The following PROX1 variants were observed in gnomAD, a reference collection of about 807,000 sequenced individuals.
PROX1 encodes prospero homeobox protein 1.
A neutral mutation model predicts 58.8 loss-of-function variants in PROX1; 7 were observed. The ratio of observed to expected loss-of-function variants is 0.12; its 90% CI spans 0.07 to 0.22. PROX1 has a LOEUF of 0.22. Ranked by LOEUF, PROX1 falls within the 10% of genes least tolerant of loss-of-function variation. The pLI is 1.00. For missense variants in PROX1, 675 were observed against 927.8 expected, an observed-to-expected ratio of 0.73 and a Z score of 3.54; for synonymous variants, 350 against 358.3, an observed-to-expected ratio of 0.98 and a Z score of 0.26.
chr1:213,996,603 T>A lies in PROX1; in HGVS notation c.68T>A (p.Val23Glu), dbSNP rs1663270967. ...QTKRRRVDIGVKRTVGTASAF... is the reference protein window; with the variant it reads ...QTKRRRVDIGEKRTVGTASAF... ...AAGAGGAGAAGAGTTGACATTGGAG[T>A]GAAAAGGACGGTAGGGACAGCATCT... The change falls in exon 2 of 5, where the codon GTG becomes GAG. Residue 23 changes from valine to glutamate, a missense_variant. By Grantham distance (121) the Val-to-Glu change is moderately radical. This residue lies in a region of PROX1 where 157 missense variants were observed against 197.8 expected (regional missense o/e 0.79). Transcript: ENST00000366958. 2 of 1,613,980 alleles carry A rather than the reference T, an allele frequency of 1.2e-6. No individual in the cohort carries two copies. The highest frequency in any genetic ancestry group is 4.5e-5 in the East Asian group (2 of 44,860).
rs573865401 is a variant in PROX1 at position 214,040,981 on chromosome 1, T to C, written c.*5147T>C. The C allele has an allele frequency of 7.1e-4, 108 of 152,174 alleles. No homozygotes were observed. The highest frequency in any genetic ancestry group is 2.3e-3 in the African/African-American group (95 of 41,532). 9.4% of individuals were successfully genotyped at this position (152,174 alleles called of 1,614,324 possible). On this transcript the variant is annotated 3_prime_UTR_variant, in exon 5 of 5. Coordinates refer to ENST00000366958, the MANE Select transcript of PROX1 (RefSeq NM_001270616.2). ...GAAAATAAAAAGGTGCAGTAGACAA[T>C]TGATTTTAAAGGAAAAGTTAAAAAA...
At chr1:213,995,282 C>T (rs1663218464) in intron 1 of PROX1, among the ~76,000 whole-genome samples, 1 of 152,172 alleles carries the variant, frequency 6.6e-6, no homozygotes, top group South Asian at 2.1e-4. Flanking sequence ...ATTAGCATCA[C>T]TAGTTAATAA....
At position 214,016,345 on chromosome 1, in the gene PROX1, C is replaced by T. The variant is rs555206469; in HGVS notation, c.2028+4630C>T. 5.3e-5 allele frequency among the ~76,000 whole-genome samples: 8 copies of T among 152,234 alleles called. No individual in the cohort carries two copies. The East Asian group carries it at 7.7e-4, about 15-fold the overall frequency. The stretch of plus-strand genomic sequence containing the variant: ...TTAATATATTTGGAAGACTTTTATT[C>T]GCATTGTCATCTCTTTAAAGAAAAA... On this transcript the variant is annotated intron_variant, in intron 4 of 4. Coordinates refer to ENST00000366958, the MANE Select transcript of PROX1 (RefSeq NM_001270616.2).
rs765587710 is a variant in PROX1 at position 213,998,033 on chromosome 1, C to G, written c.1498C>G (p.Pro500Ala). The change falls in exon 2 of 5, where the codon CCC becomes GCC. Residue 500 changes from proline to alanine, a missense_variant. Physicochemically the swap from Pro to Ala is conservative, Grantham distance 27. Around this residue, in one of 8 missense-constraint regions of PROX1, gnomAD observed 403 missense variants for 477.4 expected, o/e 0.84. Transcript: ENST00000366958. ...TCCATTTCAGAGCCCATTAGGTGCT[C>G]CCTCCGGCTCCTTCTCTGGAAAAGA... ...AYPFQSPLGAPSGSFSGKDRA... is the reference protein window; with the variant it reads ...AYPFQSPLGAASGSFSGKDRA... 3.7e-6 allele frequency: 6 copies of G among 1,611,630 alleles called. No individual in the cohort carries two copies. The African/African-American group carries it at 8.0e-5, about 21-fold the overall frequency.
At chr1:214,014,702 G>C (rs1472869935) in intron 4 of PROX1, among the ~76,000 whole-genome samples, 1 of 151,350 alleles carries the variant, frequency 6.6e-6, no homozygotes, top group African/African-American at 2.4e-5. Context: ...ATTCTAACTG[G>C]GCAGAGGCAG....
At chr1:214,016,586 TCC>T in intron 4 of PROX1, among the ~76,000 whole-genome samples, 1 of 152,330 alleles carries the variant, frequency 6.6e-6, no homozygotes, top group Non-Finnish European at 1.5e-5. Flanking sequence ...CCCTTGCCAG[TCC>T]CACCGTTGAC....
chr1:214,023,105 T>A (rs111527505), intron 4 of PROX1, among the ~76,000 whole-genome samples: 114 of 152,330 alleles, frequency 7.5e-4, no homozygotes, highest in African/African-American at 2.4e-3. Flanking sequence ...ATTTTTCAAA[T>A]TCATACACAA....
chr1:214,031,204 T>C (rs1664645814), intron 4 of PROX1, among the ~76,000 whole-genome samples: 1 of 152,156 alleles, frequency 6.6e-6, no homozygotes, highest in Non-Finnish European at 1.5e-5. Flanking sequence ...CTCAAGTCTG[T>C]GATGAAATTG....
chr1:214,019,579 C>T (rs974318343), intron 4 of PROX1, among the ~76,000 whole-genome samples: 6 of 152,172 alleles, frequency 3.9e-5, no homozygotes, highest in South Asian at 2.1e-4. Context: ...GCCTGCATCC[C>T]GACCCTCAGG....
At chr1:213,995,746 T>TG (rs752486158) in intron 1 of PROX1, among the ~76,000 whole-genome samples, 3 of 152,212 alleles carry the variant, frequency 2.0e-5, no homozygotes, top group Non-Finnish European at 4.4e-5. Context: ...TACATTAAGA[T>TG]ATATCAACAG....
intron 4 of PROX1, among the ~76,000 whole-genome samples, chr1:214,026,310 TA>T (rs902966161): frequency 3.3e-5 from 5 of 152,186 alleles, no homozygotes; most frequent in African/African-American, 1.2e-4. Context: ...ACTAGCCACT[TA>T]AAGCACGTTC....
chr1:213,985,944 C>T (rs1026248437), upstream of PROX1: 8 of 152,132 alleles, frequency 5.3e-5, no homozygotes, highest in African/African-American at 1.9e-4. Context: ...TATTTGTGGG[C>T]TGGCGCTAAC....
rs532115791 is a variant in PROX1, at chr1:213,998,194, G to T, written c.1659G>T (p.Ser553=). The stretch of plus-strand genomic sequence containing the variant: ...GCACCGCCGAAGGGCTCTCCTTGTC[G>T]CTCATAAAGTCCGAGTGCGGCGATC... ...PPSTAEGLSL[S]LIKSECGDLQ... The change falls in exon 2 of 5, where the codon TCG becomes TCT. Residue 553 remains serine (S), a synonymous_variant. Transcript: ENST00000366958. 3.2e-5 allele frequency: 52 copies of T among 1,611,372 alleles called. No individual in the cohort carries two copies. The highest frequency in any genetic ancestry group is 4.3e-5 in the Non-Finnish European group (51 of 1,178,858).
chr1:214,001,115 G>C (rs78613659), intron 2 of PROX1, among the ~76,000 whole-genome samples: 3,991 of 152,186 alleles, frequency 0.026, 90 homozygotes, highest in East Asian at 0.076. Context: ...GGTACCATCT[G>C]TTTTTTGAAC....
chr1:214,011,145 A>G (rs1293469289), intron 3 of PROX1, among the ~76,000 whole-genome samples: 1 of 152,190 alleles, frequency 6.6e-6, no homozygotes, highest in African/African-American at 2.4e-5. Context: ...GGTACATGGG[A>G]GTAACAACAC....
chr1:213,984,987 C>A (rs956353413), upstream of PROX1: 9 of 152,188 alleles, frequency 5.9e-5, no homozygotes, highest in African/African-American at 2.2e-4. Context: ...AATGTCAAGG[C>A]GAAGTGTATT....
At chr1:214,012,797 T>C (rs2102734047) in intron 4 of PROX1, among the ~76,000 whole-genome samples, 1 of 152,328 alleles carries the variant, frequency 6.6e-6, no homozygotes, top group Middle Eastern at 3.4e-3. Context: ...TATGTTAATA[T>C]TCTTGCTTTC....
intron 4 of PROX1, among the ~76,000 whole-genome samples, chr1:214,028,020 ATG>A (rs983168152): frequency 6.6e-6 from 1 of 151,986 alleles, no homozygotes; most frequent in African/African-American, 2.4e-5. Flanking sequence ...ACAGCAAAAC[ATG>A]TAACTAGAAA....
chr1:214,025,066 T>G (rs1158588779), intron 4 of PROX1, among the ~76,000 whole-genome samples: 1 of 152,210 alleles, frequency 6.6e-6, no homozygotes, highest in Admixed American at 6.5e-5. Flanking sequence ...AGATGTGTCA[T>G]GAAGCAGGGA....
Sources: gnomAD v4.1 joint callset for allele counts (sites outside exome capture counted in the v4.1 genomes callset) on GRCh38, gnomAD v4.1.1 for gene constraint, gnomAD v4.1.1 regional missense constraint, MANE v1.5 for transcripts, NCBI Gene and HGNC (gene_info 2026-07-23, HGNC 2026-07-21) for gene names.